The following NIPA2 variants were observed in gnomAD, a reference collection of about 807,000 sequenced individuals.
NIPA2 encodes NIPA magnesium transporter 2, also known as magnesium transporter NIPA2.
NIPA2 carries 11 observed loss-of-function variants against 29.7 expected under a neutral mutation model. That is an observed-to-expected ratio of 0.37 (90% CI 0.23 to 0.61). NIPA2 has a LOEUF of 0.61. Among genes scored for constraint, NIPA2 ranks in the 20% least tolerant of loss-of-function variants. The pLI, the probability that NIPA2 is intolerant of heterozygous loss-of-function variation, is 0.66. For synonymous variants in NIPA2, 183 were observed against 161.9 expected (o/e 1.13, Z -0.99); for missense variants, 426 against 437.9 (o/e 0.97, Z 0.24).
At chr15:22,840,752 G>C (rs1896864746) in intron 2 of NIPA2, among the ~76,000 whole-genome samples, 1 of 152,158 alleles carries the variant, frequency 6.6e-6, no homozygotes, top group Admixed American at 6.5e-5. Context: ...GAAGAGAAAT[G>C]AGTAGAAATG....
chr15:22,846,629 A>G (rs1374892069), intron 3 of NIPA2, among the ~76,000 whole-genome samples: 2 of 151,904 alleles, frequency 1.3e-5, no homozygotes, highest in African/African-American at 2.4e-5. Flanking sequence ...CCTGGACAAC[A>G]TGGTGAAACT....
chr15:22,846,757 A>AGT (rs1293538212), intron 3 of NIPA2, among the ~76,000 whole-genome samples: 2 of 151,264 alleles, frequency 1.3e-5, no homozygotes, highest in African/African-American at 4.9e-5. Flanking sequence ...TCGAGGTTGC[A>AGT]GTGAACCATG....
At chr15:22,852,116 C>T (rs894780970) in intron 4 of NIPA2, among the ~76,000 whole-genome samples, 1 of 152,138 alleles carries the variant, frequency 6.6e-6, no homozygotes, top group South Asian at 2.1e-4. Flanking sequence ...GACCAATGCC[C>T]AAGTAATATC....
chr15:22,856,906 G>T (rs1050145820), intron 5 of NIPA2, among the ~76,000 whole-genome samples: 10 of 152,208 alleles, frequency 6.6e-5, no homozygotes, highest in African/African-American at 2.4e-4. Context: ...TCATGCCTCT[G>T]CCCTGTGTAG....
chr15:22,841,598 C>G (rs777976011), intron 2 of NIPA2, among the ~76,000 whole-genome samples: 3 of 152,032 alleles, frequency 2.0e-5, no homozygotes, highest in Non-Finnish European at 4.4e-5. Flanking sequence ...AACCTCCGCC[C>G]TCCAGTTTCT....
rs957603800 is a variant in NIPA2 at position 22,845,366 on chromosome 15, C to T, written c.-94+99C>T. On this transcript the variant is annotated intron_variant, in intron 3 of 7. Coordinates refer to ENST00000337451, the MANE Select transcript of NIPA2 (RefSeq NM_030922.7). ...ATGCTGCTTGTCATCCCCCAGCCCT[C>T]CACACATACACCCTGGTACAGTTCC... 2.7e-4 allele frequency: 41 copies of T among 152,104 alleles called. 1 individual carries two copies. The highest frequency in any genetic ancestry group is 8.5e-4 in the African/African-American group (35 of 41,388). 9.4% of individuals were successfully genotyped at this position (152,104 alleles called of 1,614,324 possible).
In NIPA2 at chr15:22,850,832, G is replaced by A. The variant is rs1012535646; in HGVS notation, c.-93-807G>A. Among the ~76,000 whole-genome samples, 42 of 152,062 alleles carry A rather than the reference G, an allele frequency of 2.8e-4. 1 individual carries two copies. Among genetic ancestry groups the A allele is most frequent in the African/African-American group, 8.7e-4 (36 of 41,392 alleles). Reference sequence around the variant, plus strand: ...TTTGGAACTCCGAAGTTAAATTGTGGGACTAAAAATCCCAAGATGTGCTAG... The same window carrying A: ...TTTGGAACTCCGAAGTTAAATTGTGAGACTAAAAATCCCAAGATGTGCTAG... On this transcript the variant is annotated intron_variant, in intron 3 of 7. Transcript: ENST00000337451.
chr15:22,859,324 G>A (rs2058449480), intron 6 of NIPA2, among the ~76,000 whole-genome samples: 1 of 111,214 alleles, frequency 9.0e-6, no homozygotes, highest in Non-Finnish European at 1.7e-5. Context: ...GCGGAGTCTT[G>A]CTCTGTCGCC....
chr15:22,842,002 G>A (rs60371576), intron 2 of NIPA2, among the ~76,000 whole-genome samples: 30,637 of 151,968 alleles, frequency 0.2, 3,318 homozygotes, highest in Admixed American at 0.31. Flanking sequence ...TCCTAACTAT[G>A]GTCATTAGAA....
intron 7 of NIPA2, among the ~76,000 whole-genome samples, chr15:22,861,762 C>T (rs28809626): frequency 0.071 from 10,733 of 152,042 alleles, 707 homozygotes; most frequent in African/African-American, 0.18. Context: ...TATTTTGAGA[C>T]AGGGCCGTGT....
chr15:22,850,268 C>A (rs538715920), intron 3 of NIPA2, among the ~76,000 whole-genome samples: 26 of 152,004 alleles, frequency 1.7e-4, no homozygotes, highest in Admixed American at 3.9e-4. Flanking sequence ...GTGATCAGGA[C>A]ATGCACTTCC....
intron 7 of NIPA2, among the ~76,000 whole-genome samples, chr15:22,864,397 G>A (rs754946514): frequency 2.0e-5 from 3 of 152,114 alleles, no homozygotes; most frequent in African/African-American, 7.2e-5. Flanking sequence ...CTCATGATCC[G>A]CCCACCTCGG....
intron 3 of NIPA2, among the ~76,000 whole-genome samples, chr15:22,847,506 C>T (rs951097580): frequency 4.0e-5 from 6 of 151,654 alleles, no homozygotes; most frequent in Non-Finnish European, 7.4e-5. Flanking sequence ...GCTCTGTCAC[C>T]TAGGGTGGAA....
chr15:22,851,961 G>A, intron 4 of NIPA2, 91 bp downstream of exon 4: 1 of 1,057,956 alleles, frequency 9.5e-7, no homozygotes, highest in Non-Finnish European at 1.4e-6. Flanking sequence ...CATTCCTCGT[G>A]AGTGTATTTG....
At position 22,853,974 on chromosome 15, in the gene NIPA2, C is replaced by T. The variant is rs192009261; in HGVS notation, c.196+706C>T. Among the ~76,000 whole-genome samples, 96 of 149,544 alleles carry T rather than the reference C, an allele frequency of 6.4e-4. 1 individual carries two copies. Among genetic ancestry groups the T allele is most frequent in the Non-Finnish European group, 1.1e-3 (75 of 67,490 alleles). ...TCCTGAGTAGCTGAGACTACTGGTG[C>T]GCACCACTATGCCCAGCTAATTTTT... On this transcript the variant is annotated intron_variant, in intron 5 of 7. Coordinates refer to ENST00000337451, the MANE Select transcript of NIPA2 (RefSeq NM_030922.7).
rs543619040 is a variant in NIPA2 at position 22,841,073 on chromosome 15, T to C, written c.-216+1283T>C. On this transcript the variant is annotated intron_variant, in intron 2 of 7. Coordinates refer to ENST00000337451, the MANE Select transcript of NIPA2 (RefSeq NM_030922.7). ...GTCACAGGATACAAAGTAGCAGATA[T>C]TCAGGATGTACAACTTGAGAACTAC... 9.2e-5 allele frequency among the ~76,000 whole-genome samples: 14 copies of C among 152,244 alleles called. No individual in the cohort carries two copies. The South Asian group carries it at 1.7e-3, about 18-fold the overall frequency.
intron 3 of NIPA2, among the ~76,000 whole-genome samples, chr15:22,848,825 C>CAAAAAAA (rs35853443): frequency 1.5e-5 from 1 of 66,712 alleles, no homozygotes; most frequent in Non-Finnish European, 2.6e-5. Context: ...ACTCTTGTCT[C>CAAAAAAA]AAAAAAAAAA....
Position 22,838,751 on chromosome 15 carries a change from G to A in NIPA2, c.-522G>A, listed in dbSNP as rs1896217599. On this transcript the variant is annotated 5_prime_UTR_variant, in exon 1 of 8. Transcript: ENST00000337451. ...AGGTTTTCCTCGGCGCTTCTCCATG[G>A]AGGAGGCGGTGCGAACGGCTTCAGC... The A allele has an allele frequency of 6.6e-6, 1 of 152,610 alleles. No homozygotes were observed. The highest frequency in any genetic ancestry group is 6.5e-5 in the Admixed American group (1 of 15,290). 9.5% of individuals were successfully genotyped at this position (152,610 alleles called of 1,614,324 possible).
At chr15:22,866,073 C>A in intron 7 of NIPA2, 140 bp from the exon 8 acceptor site, 1 of 669,678 alleles carries the variant, frequency 1.5e-6, no homozygotes, top group Non-Finnish European at 2.5e-6. Flanking sequence ...TGCATTTCTG[C>A]TTGGGCTGCA....
Sources: allele counts gnomAD v4.1 joint callset (sites outside exome capture counted in the v4.1 genomes callset), GRCh38; gene constraint gnomAD v4.1.1; transcripts MANE v1.5; gene names NCBI Gene and HGNC (gene_info 2026-07-23, HGNC 2026-07-21).